The following HSPA4 variants were observed in gnomAD, a reference collection of about 807,000 sequenced individuals.
HSPA4 encodes heat shock 70 kDa protein 4.
In HSPA4, 25 loss-of-function variants were observed where a neutral mutation model predicts 106.2. The ratio of observed to expected loss-of-function variants is 0.24; its 90% confidence interval spans 0.17 to 0.33. The LOEUF (loss-of-function observed/expected upper bound fraction) is 0.33, where lower values mean the gene tolerates loss of function less well. HSPA4 is among the 10% of genes least tolerant of loss of function. The pLI is 1.00. For missense variants in HSPA4, 841 were observed against 996.0 expected, an observed-to-expected ratio of 0.84 and a Z score of 2.10; for synonymous variants, 332 against 333.6, an observed-to-expected ratio of 1.00 and a Z score of 0.05.
intron 1 of HSPA4, among the ~76,000 whole-genome samples, chr5:133,058,515 T>TA (rs901609559): frequency 2.0e-5 from 3 of 150,450 alleles, no homozygotes; most frequent in African/African-American, 7.4e-5. Flanking sequence ...TTGTCTCTAC[T>TA]AAAAAATACA....
rs866909497 is a variant in HSPA4, at chr5:133,105,658, T to G, written c.*1222T>G. On this transcript the variant is annotated 3_prime_UTR_variant, in exon 19 of 19. Transcript: ENST00000304858. ...AGAGTTGGTACCTGCTTTAAGAAAC[T>G]GTTACAGGGCTTGTTGGTAATGTTT... 6.6e-6 allele frequency: 1 copy of G among 152,202 alleles called. No homozygotes were observed. Among genetic ancestry groups the G allele is most frequent in the South Asian group, 2.1e-4 (1 of 4,832 alleles). The allele number at this position is 152,202 out of a possible 1,614,324, so 9.4% of individuals were successfully genotyped here.
Position 133,073,247 on chromosome 5 carries a change from T to C in HSPA4, c.447T>C (p.Thr149=). Residue 149 remains threonine, a synonymous_variant, in exon 5 of 19, where the codon ACT becomes ACC. Coordinates refer to ENST00000304858, the MANE Select transcript of HSPA4 (RefSeq NM_002154.4). The part of the protein sequence containing the change: ...DCVVSVPCFY[T]DAERRSVMDA... ...TTTTGTAGGTTCCTTGTTTCTATACTGATGCAGAAAGACGATCAGTGATGG... is the reference window on the plus strand; with the variant it reads ...TTTTGTAGGTTCCTTGTTTCTATACCGATGCAGAAAGACGATCAGTGATGG... 5 of 1,604,834 alleles carry C rather than the reference T, an allele frequency of 3.1e-6. No homozygotes were observed. The highest frequency in any genetic ancestry group is 4.3e-6 in the Non-Finnish European group (5 of 1,175,104).
intron 15 of HSPA4, among the ~76,000 whole-genome samples, chr5:133,097,914 T>G (rs891675230): frequency 2.0e-5 from 3 of 151,668 alleles, no homozygotes; most frequent in Non-Finnish European, 4.4e-5. Flanking sequence ...ATTTTTAGTT[T>G]TTTTTTTTTT....
chr5:133,078,101 G>A (rs1181537623), intron 7 of HSPA4, among the ~76,000 whole-genome samples: 1 of 151,260 alleles, frequency 6.6e-6, no homozygotes, highest in Non-Finnish European at 1.5e-5. Context: ...GGGAGGCAGA[G>A]GCAGGCGGAT....
chr5:133,101,484 G>T, intron 16 of HSPA4: 1 of 298,690 alleles, frequency 3.3e-6, no homozygotes, highest in Non-Finnish European at 6.1e-6. Context: ...TTAGTACTGT[G>T]TATCTCCATT....
intron 1 of HSPA4, among the ~76,000 whole-genome samples, chr5:133,060,006 A>G (rs1765218334): frequency 6.6e-6 from 1 of 151,884 alleles, no homozygotes; most frequent in Non-Finnish European, 1.5e-5. Context: ...TAATTCAGCC[A>G]TTGAAGACTT....
chr5:133,092,642 T>C, intron 12 of HSPA4, 58 bp from the exon 13 acceptor site: 7 of 1,077,294 alleles, frequency 6.5e-6, no homozygotes, highest in Middle Eastern at 2.0e-4. Context: ...TTTGTCAATG[T>C]GTAATGAAGG....
At chr5:133,094,930 T>G (rs188550975) in intron 13 of HSPA4, among the ~76,000 whole-genome samples, 68 of 152,306 alleles carry the variant, frequency 4.5e-4, no homozygotes, top group African/African-American at 1.3e-3. Flanking sequence ...GGAAGGGCTT[T>G]CAGAGTATGA....
intron 7 of HSPA4, among the ~76,000 whole-genome samples, chr5:133,084,554 T>A (rs2126708436): frequency 6.6e-6 from 1 of 152,262 alleles, no homozygotes; most frequent in Admixed American, 6.5e-5. Flanking sequence ...CACTGCAACC[T>A]CTGCCTTCCA....
intron 1 of HSPA4, among the ~76,000 whole-genome samples, chr5:133,053,960 C>G (rs1291828220): frequency 6.6e-6 from 1 of 152,024 alleles, no homozygotes; most frequent in Non-Finnish European, 1.5e-5. Flanking sequence ...GTGCCCGGCC[C>G]CAGGGGCTCA....
At chr5:133,102,658 A>C (rs1360682496) in intron 17 of HSPA4, among the ~76,000 whole-genome samples, 1 of 152,202 alleles carries the variant, frequency 6.6e-6, no homozygotes, top group Non-Finnish European at 1.5e-5. Flanking sequence ...AAGTTCCTCC[A>C]TTATACCCCA....
chr5:133,094,097 G>C (rs1765682577), intron 13 of HSPA4, among the ~76,000 whole-genome samples: 1 of 152,068 alleles, frequency 6.6e-6, no homozygotes, highest in Non-Finnish European at 1.5e-5. Context: ...ATCTTAAAAA[G>C]TTATTTTAAA....
At chr5:133,083,998 T>A (rs769085992) in intron 7 of HSPA4, among the ~76,000 whole-genome samples, 1 of 152,360 alleles carries the variant, frequency 6.6e-6, no homozygotes, top group African/African-American at 2.4e-5. Flanking sequence ...TTATATGACA[T>A]ACTCAGGTTT....
chr5:133,073,950 T>G (rs1272003458), intron 5 of HSPA4, 43 bp from the exon 6 acceptor site: 2 of 1,396,194 alleles, frequency 1.4e-6, no homozygotes, highest in Non-Finnish European at 1.9e-6. Flanking sequence ...GAATTTTATT[T>G]ACTTAGACGT....
At chr5:133,078,404 G>A (rs1581472713) in intron 7 of HSPA4, among the ~76,000 whole-genome samples, 1 of 151,814 alleles carries the variant, frequency 6.6e-6, no homozygotes, top group Admixed American at 6.6e-5. Context: ...ACTTTGGGAG[G>A]CAGGTGCATC....
chr5:133,097,080 C>A, intron 14 of HSPA4, 81 bp from the exon 15 acceptor site: 1 of 1,155,616 alleles, frequency 8.7e-7, no homozygotes. Flanking sequence ...AAGAAAGAGT[C>A]TCTACTTTTA....
At chr5:133,097,111 AG>A in intron 14 of HSPA4, 49 bp from the exon 15 acceptor site, 1 of 1,461,560 alleles carries the variant, frequency 6.8e-7, no homozygotes, top group Non-Finnish European at 9.5e-7. Flanking sequence ...GGTATTTAAG[AG>A]GAAATTAGTT....
intron 1 of HSPA4, 57 bp downstream of exon 1, chr5:133,052,414 A>C: frequency 1.7e-6 from 2 of 1,160,502 alleles, no homozygotes; most frequent in South Asian, 1.5e-5. Context: ...TGCTTGTTCC[A>C]GTCTGGGACC....
rs1293425098 is a variant in HSPA4, at chr5:133,105,231, T to C, written c.*795T>C. The C allele has an allele frequency of 6.6e-6, 1 of 152,194 alleles. No homozygotes were observed. Among genetic ancestry groups the C allele is most frequent in the Non-Finnish European group, 1.5e-5 (1 of 68,036 alleles). The allele number at this position is 152,194 out of a possible 1,614,324, so 9.4% of individuals were successfully genotyped here. ...ACTGAGGAATTAAATCCTTGTTAAT[T>C]TTGGTGTAAAGATTTGTATCCTGGC... On this transcript the variant is annotated 3_prime_UTR_variant, in exon 19 of 19. Coordinates refer to ENST00000304858, the MANE Select transcript of HSPA4 (RefSeq NM_002154.4).
Sources: allele counts gnomAD v4.1 joint callset (sites outside exome capture counted in the v4.1 genomes callset), GRCh38; gene constraint gnomAD v4.1.1; transcripts MANE v1.5; gene names NCBI Gene and HGNC (gene_info 2026-07-23, HGNC 2026-07-21).